Variants in TUBB6 observed in about 807,000 individuals in gnomAD.
TUBB6 encodes the protein tubulin beta 6 class V.
A neutral mutation model predicts 32.3 loss-of-function variants in TUBB6; 18 were observed. That is an observed-to-expected ratio of 0.56 (90% CI 0.39 to 0.83). The LOEUF is 0.83. TUBB6 is among the 40% of genes least tolerant of loss of function. The pLI is 0.00. For synonymous variants in TUBB6, 280 were observed against 265.8 expected (o/e 1.05, Z -0.52); for missense variants, 480 against 632.0 (o/e 0.76, Z 2.58).
rs2144120938 is a variant in TUBB6 at position 12,308,364 on chromosome 18, G to T, written c.57+15G>T. 5 of 1,424,058 alleles carry T rather than the reference G, an allele frequency of 3.5e-6. No individual in the cohort carries two copies. In the East Asian group the frequency reaches 1.2e-4, roughly 34 times the overall value. The allele number at this position is 1,424,058 out of a possible 1,614,324, so 88.2% of individuals were successfully genotyped here. A position where few individuals can be genotyped will look rare whatever the true frequency, so the allele number is the denominator to read the frequency against. ...TCGGCACCAAGGTGGGCCTGGCGCG[G>T]TGCAGGGCCTCTCCGCGGGTCGGCT... is the stretch of plus-strand genomic sequence containing the variant. On this transcript the variant is annotated intron_variant, in intron 1 of 3. Coordinates refer to ENST00000317702, the MANE Select transcript of TUBB6 (RefSeq NM_032525.3).
intron 3 of TUBB6, among the ~76,000 whole-genome samples, chr18:12,314,667 T>C (rs1161405054): frequency 2.0e-5 from 3 of 152,190 alleles, no homozygotes; most frequent in African/African-American, 7.2e-5. Context: ...GTTTTACATA[T>C]GTAAAATATA....
rs762056027 is a variant in TUBB6, at chr18:12,308,273, A to G, written c.-20A>G. 7.0e-7 allele frequency: 1 copy of G among 1,432,144 alleles called. No individual in the cohort carries two copies. 88.7% of individuals were successfully genotyped at this position (1,432,144 alleles called of 1,614,324 possible). A position where few individuals can be genotyped will look rare whatever the true frequency, so the allele number is the denominator to read the frequency against. On this transcript the variant is annotated 5_prime_UTR_variant, in exon 1 of 4. Transcript: ENST00000317702. ...GCTGTCGTCCGCAGAGCCAGTTCCT[A>G]GCGCAGAGCCGCGCCCGCCATGAGG...
At chr18:12,326,836 G>A (rs889116491), downstream of TUBB6, among the ~76,000 whole-genome samples, 2 of 152,160 alleles carry the variant, frequency 1.3e-5, no homozygotes, top group Non-Finnish European at 2.9e-5. Context: ...CCCAAGTCAG[G>A]TCCTGGGCTA....
downstream of TUBB6, chr18:12,329,186 A>T (rs150224434): frequency 2.1e-4 from 147 of 703,034 alleles, 2 homozygotes; most frequent in African/African-American, 2.3e-3. Context: ...AGGAATGAAG[A>T]GTGGGCGACA....
intron 3 of TUBB6, among the ~76,000 whole-genome samples, chr18:12,322,433 C>T (rs1303143894): frequency 1.3e-5 from 2 of 151,622 alleles, no homozygotes; most frequent in African/African-American, 4.9e-5. Flanking sequence ...TGGCTCACTG[C>T]AACCTCCATC....
At position 12,325,282 on chromosome 18, in the gene TUBB6, A is replaced by T. The variant is rs1338875319; in HGVS notation, c.493A>T (p.Asn165Tyr). 6.2e-7 allele frequency: 1 copy of T among 1,614,170 alleles called. No individual in the cohort carries two copies. The highest frequency in any genetic ancestry group is 1.1e-5 in the South Asian group (1 of 91,080). Residue 165 changes from asparagine to tyrosine, a missense_variant, in exon 4 of 4, where the codon AAC becomes TAC. Physicochemically the swap from Asn to Tyr is moderately radical, Grantham distance 143 (BLOSUM62 -2). Transcript: ENST00000317702. ...TGAGGAGTTCCCGGACCGCATCATG[A>T]ACACCTTCAGCGTCATGCCCTCGCC... ...IREEFPDRIMNTFSVMPSPKV... is the reference protein window; with the variant it reads ...IREEFPDRIMYTFSVMPSPKV...
At chr18:12,315,024 A>G (rs184367922) in intron 3 of TUBB6, among the ~76,000 whole-genome samples, 1 of 152,342 alleles carries the variant, frequency 6.6e-6, no homozygotes, top group East Asian at 1.9e-4. Context: ...CTAGAGTTAA[A>G]AAAAAATTCT....
At chr18:12,312,493 T>G (rs12960267) in intron 3 of TUBB6, among the ~76,000 whole-genome samples, 16,658 of 152,140 alleles carry the variant, frequency 0.11, 941 homozygotes, top group Middle Eastern at 0.19. Context: ...AGTGGGACTG[T>G]CTACCTCTTA....
At chr18:12,324,945 G>T in intron 3 of TUBB6, 122 bp from the exon 4 acceptor site, 2 of 1,498,750 alleles carry the variant, frequency 1.3e-6, no homozygotes. Context: ...CTGTTTCCCC[G>T]GCCCCTCCCT....
chr18:12,319,227 T>C (rs1196528645), intron 3 of TUBB6, among the ~76,000 whole-genome samples: 2 of 149,562 alleles, frequency 1.3e-5, no homozygotes, highest in Admixed American at 1.3e-4. Flanking sequence ...CACTGCAACC[T>C]CCACCTCCTG....
intron 3 of TUBB6, among the ~76,000 whole-genome samples, chr18:12,311,956 A>G (rs556693353): frequency 2.4e-4 from 36 of 152,322 alleles, no homozygotes; most frequent in African/African-American, 8.4e-4. Context: ...TCAATCAAAC[A>G]TATTTCCAAT....
rs764184683 is a variant in TUBB6 at position 12,308,680 on chromosome 18, G to T, written c.58-7G>T. 2.5e-6 allele frequency: 4 copies of T among 1,596,458 alleles called. No individual in the cohort carries two copies. In the East Asian group the frequency reaches 9.0e-5, roughly 36 times the overall value. On this transcript the variant is annotated splice_polypyrimidine_tract_variant and splice_region_variant and intron_variant, in intron 1 of 3. Coordinates refer to ENST00000317702, the MANE Select transcript of TUBB6 (RefSeq NM_032525.3). ...AGCGTCTGTCCCCCCGCCTTGCCCT[G>T]CCCAAGTTTTGGGAAGTGATCAGCG...
rs1907213741 is a variant in TUBB6 at position 12,325,194 on chromosome 18, C to T, written c.405C>T (p.Leu135=). ...EHCDCLQGFQ[L]THSLGGGTGS... is the part of the protein sequence containing the mutation. ...GCGACTGCCTGCAGGGCTTCCAGCTCACGCACTCGCTGGGCGGCGGCACGG... is the reference window on the plus strand; with the variant it reads ...GCGACTGCCTGCAGGGCTTCCAGCTTACGCACTCGCTGGGCGGCGGCACGG... The change falls in exon 4 of 4, where the codon CTC becomes CTT. Residue 135 remains leucine (L), a synonymous_variant. Transcript: ENST00000317702. 1 of 1,613,956 alleles carries T rather than the reference C, an allele frequency of 6.2e-7. No homozygotes were observed. The highest frequency in any genetic ancestry group is 1.7e-5 in the Admixed American group (1 of 59,988).
At chr18:12,321,864 T>G (rs1907007520) in intron 3 of TUBB6, among the ~76,000 whole-genome samples, 2 of 152,224 alleles carry the variant, frequency 1.3e-5, no homozygotes, top group South Asian at 4.1e-4. Flanking sequence ...CTGGAATAAA[T>G]TGCCTTAAAG....
chr18:12,315,790 A>G (rs1334155284), intron 3 of TUBB6, among the ~76,000 whole-genome samples: 1 of 152,208 alleles, frequency 6.6e-6, no homozygotes, highest in Non-Finnish European at 1.5e-5. Flanking sequence ...TAAAATAGGA[A>G]AAAAGTATAT....
chr18:12,318,388 CCT>C (rs1422420723), intron 3 of TUBB6, among the ~76,000 whole-genome samples: 3 of 149,076 alleles, frequency 2.0e-5, no homozygotes, highest in African/African-American at 2.5e-5. Flanking sequence ...AAGAGAATCC[CCT>C]GTTTGTAAGA....
At chr18:12,310,277 C>A (rs1906295992) in intron 2 of TUBB6, among the ~76,000 whole-genome samples, 1 of 151,940 alleles carries the variant, frequency 6.6e-6, no homozygotes, top group East Asian at 1.9e-4. Context: ...ATCACAAGGT[C>A]AGGAGATCGA....
At position 12,310,958 on chromosome 18, in the gene TUBB6, C is replaced by A; in HGVS notation, c.182C>A (p.Pro61His). ...YNESSSQKYV[P>H]RAALVDLEPG... ...TCTCCTCCAGCTCAGAAATATGTGCCCAGGGCCGCCCTGGTGGACTTAGAG... is the reference window on the plus strand; with the variant it reads ...TCTCCTCCAGCTCAGAAATATGTGCACAGGGCCGCCCTGGTGGACTTAGAG... The change falls in exon 3 of 4, where the codon CCC becomes CAC. Residue 61 changes from proline to histidine, a missense_variant. By Grantham distance (77) the Pro-to-His change is moderately conservative. Transcript: ENST00000317702. 1 of 1,611,548 alleles carries A rather than the reference C, an allele frequency of 6.2e-7. No individual in the cohort carries two copies.
rs954385993 is a variant in TUBB6, at chr18:12,308,279, G to A, written c.-14G>A. The A allele has an allele frequency of 2.8e-6, 4 of 1,441,844 alleles. No homozygotes were observed. In the Admixed American group the frequency reaches 6.8e-5, roughly 24 times the overall value. The allele number at this position is 1,441,844 out of a possible 1,614,324, so 89.3% of individuals were successfully genotyped here. On this transcript the variant is annotated 5_prime_UTR_variant, in exon 1 of 4. Transcript: ENST00000317702. The stretch of plus-strand genomic sequence containing the variant: ...GTCCGCAGAGCCAGTTCCTAGCGCA[G>A]AGCCGCGCCCGCCATGAGGGAGATC...
Sources: allele counts gnomAD v4.1 joint callset (sites outside exome capture counted in the v4.1 genomes callset), GRCh38; gene constraint gnomAD v4.1.1; transcripts MANE v1.5; gene names NCBI Gene and HGNC (gene_info 2026-07-23, HGNC 2026-07-21).